Variants in RBCK1 observed in about 807,000 individuals in gnomAD.
RBCK1 encodes ranBP-type and C3HC4-type zinc finger-containing protein 1.
Under a neutral mutation model 71.1 loss-of-function variants are expected in RBCK1, and 44 were observed. That is an observed-to-expected ratio of 0.62 (90% CI 0.49 to 0.80). The LOEUF (loss-of-function observed/expected upper bound fraction) is 0.80, where lower values mean the gene tolerates loss of function less well. Among genes scored for constraint, RBCK1 ranks in the 30% least tolerant of loss-of-function variants. The pLI, the probability that RBCK1 is intolerant of heterozygous loss-of-function variation, is 0.00. For missense variants in RBCK1, 569 were observed against 685.0 expected (o/e 0.83, Z 1.89); for synonymous variants, 306 against 279.7 (o/e 1.09, Z -0.94).
chr20:430,542 T>G lies in RBCK1; in HGVS notation c.*112T>G. On this transcript the variant is annotated 3_prime_UTR_variant, in exon 12 of 12. Coordinates refer to ENST00000356286, the MANE Select transcript of RBCK1 (RefSeq NM_031229.4). The surrounding 1 kb of genome is among the most constrained non-coding windows in gnomAD (Gnocchi z 5.6). ...GCTTGCTGTAGCGTTGTAGGGGCCC[T>G]GCCTGCACTGCGGTTGTCCACGGTC... 3 of 1,042,890 alleles carry G rather than the reference T, an allele frequency of 2.9e-6. No homozygotes were observed. The highest frequency in any genetic ancestry group is 4.3e-6 in the Non-Finnish European group (3 of 692,938). The allele number at this position is 1,042,890 out of a possible 1,614,324, so 64.6% of individuals were successfully genotyped here.
At chr20:418,513 C>A (rs369361019) in intron 4 of RBCK1, among the ~76,000 whole-genome samples, 4 of 152,208 alleles carry the variant, frequency 2.6e-5, no homozygotes, top group Admixed American at 1.3e-4. Context: ...GGACTACAGG[C>A]GCCCGCCACC....
At chr20:413,522 AT>A (rs2015820268) in intron 2 of RBCK1, among the ~76,000 whole-genome samples, 1 of 152,146 alleles carries the variant, frequency 6.6e-6, no homozygotes, top group Non-Finnish European at 1.5e-5. Context: ...TTGAAGTATC[AT>A]TGTGGACACT....
At position 427,376 on chromosome 20, in the gene RBCK1, A is replaced by G. The variant is rs2016785549; in HGVS notation, c.1093A>G (p.Ser365Gly). The change falls in exon 9 of 12, where the codon AGT becomes GGT. Residue 365 changes from serine to glycine, a missense_variant. Physicochemically the swap from Ser to Gly is moderately conservative, Grantham distance 56. This residue lies in a region of RBCK1 where 211 missense variants were observed against 309.4 expected (regional missense o/e 0.68). Transcript: ENST00000356286. ...DLGISIAENR[S>G]AFSYHCKTPD... ...GGGCATCTCCATTGCTGAAAACCGC[A>G]GTGCCTTCAGCTACCATTGCAAGAC... 6.2e-7 allele frequency: 1 copy of G among 1,614,176 alleles called. No individual in the cohort carries two copies. Among genetic ancestry groups the G allele is most frequent in the Non-Finnish European group, 8.5e-7 (1 of 1,180,022 alleles).
intron 8 of RBCK1, among the ~76,000 whole-genome samples, chr20:426,433 A>C (rs1296095304): frequency 6.6e-6 from 1 of 151,288 alleles, no homozygotes; most frequent in Non-Finnish European, 1.5e-5. Context: ...AGCACCTGCA[A>C]ATAAGTGAGA....
At chr20:418,420 G>C (rs954096572) in intron 4 of RBCK1, among the ~76,000 whole-genome samples, 7 of 152,036 alleles carry the variant, frequency 4.6e-5, no homozygotes, top group African/African-American at 9.7e-5. Context: ...CCAGGCTGGA[G>C]TGCAGTGGCA....
At position 427,326 on chromosome 20, in the gene RBCK1, A is replaced by G; in HGVS notation, c.1043A>G (p.Glu348Gly). ...GTGTGTTGGCAGCTCCTGACCCCTG[A>G]GGATTACCAGCGATTTCTAGACCTG... ...EREIKALLTP[E>G]DYQRFLDLGI... Residue 348 changes from glutamate to glycine, a missense_variant, in exon 9 of 12, where the codon GAG (glutamate) becomes GGG (glycine). Transcript: ENST00000356286. 1 of 1,614,082 alleles carries G rather than the reference A, an allele frequency of 6.2e-7. No individual in the cohort carries two copies. The highest frequency in any genetic ancestry group is 8.5e-7 in the Non-Finnish European group (1 of 1,179,996).
At chr20:423,569 TTTATG>T (rs1332404099) in intron 8 of RBCK1, among the ~76,000 whole-genome samples, 7 of 152,178 alleles carry the variant, frequency 4.6e-5, no homozygotes, top group South Asian at 2.1e-4. Flanking sequence ...TTGTATAACA[TTTATG>T]TTATATTAGG....
Position 428,496 on chromosome 20 carries a change from C to T in RBCK1, c.1215C>T (p.Ile405=), listed in dbSNP as rs995347775. 8 of 1,607,048 alleles carry T rather than the reference C, an allele frequency of 5.0e-6. No homozygotes were observed. The highest frequency in any genetic ancestry group is 6.8e-6 in the Non-Finnish European group (8 of 1,176,904). Residue 405 remains isoleucine (I), a synonymous_variant, in exon 10 of 12, where the codon ATC becomes ATT. Coordinates refer to ENST00000356286, the MANE Select transcript of RBCK1 (RefSeq NM_031229.4). This position sits in a 1 kb window ranked among gnomAD's most constrained non-coding sequence, Gnocchi z 5.7. ...GAGTCCCTCACCCGCTACAGGCCAT[C>T]CATGAGCAGATGAACTGCAAGGAGT... ...FHVNCLLCKA[I]HEQMNCKEYQ... is the part of the protein sequence containing the mutation.
At position 409,964 on chromosome 20, in the gene RBCK1, G is replaced by A. The variant is rs1186808411; in HGVS notation, c.106G>A (p.Glu36Lys). The change falls in exon 2 of 12, where the codon GAG (glutamate) becomes AAG (lysine). Residue 36 changes from glutamate to lysine, a missense_variant. Physicochemically the swap from Glu to Lys is moderately conservative, Grantham distance 56. This residue lies in a region of RBCK1 where 358 missense variants were observed against 375.6 expected (regional missense o/e 0.95). Coordinates refer to ENST00000356286, the MANE Select transcript of RBCK1 (RefSeq NM_031229.4). ...AATGAAGTGTGCCATCTGGCTGGCAGAGCAACGGGTGCCCCTGAGTGTGCA... is the reference window on the plus strand; with the variant it reads ...AATGAAGTGTGCCATCTGGCTGGCAAAGCAACGGGTGCCCCTGAGTGTGCA... ...VAMKCAIWLAEQRVPLSVQLK... is the reference protein window; with the variant it reads ...VAMKCAIWLAKQRVPLSVQLK... The A allele has an allele frequency of 1.2e-6, 2 of 1,614,168 alleles. No individual in the cohort carries two copies. The highest frequency in any genetic ancestry group is 2.2e-5 in the East Asian group (1 of 44,886).
chr20:417,222 G>C lies in RBCK1; in HGVS notation c.168-304G>C, dbSNP rs1244228249. The C allele has an allele frequency of 1.7e-6, 1 of 594,196 alleles. No homozygotes were observed. 36.8% of individuals were successfully genotyped at this position (594,196 alleles called of 1,614,324 possible). A position where few individuals can be genotyped will look rare whatever the true frequency, so the allele number is the denominator to read the frequency against. On this transcript the variant is annotated intron_variant, in intron 2 of 11. Transcript: ENST00000356286. This position sits in a 1 kb window ranked among gnomAD's most constrained non-coding sequence, Gnocchi z 4.7. ...CAACTTCTGGTGGTTTCACTAAGGA[G>C]CAGGGGAGAGAAGACAGAAGAGGTT...
At chr20:418,272 C>A (rs1311298226) in intron 4 of RBCK1, among the ~76,000 whole-genome samples, 1 of 152,228 alleles carries the variant, frequency 6.6e-6, no homozygotes, top group East Asian at 1.9e-4. Flanking sequence ...TAATTTTTAA[C>A]TTCTGAAATG....
chr20:430,458 C>A lies in RBCK1; in HGVS notation c.*28C>A, dbSNP rs577498437. The A allele has an allele frequency of 1.7e-5, 27 of 1,564,340 alleles. No individual in the cohort carries two copies. The South Asian group carries it at 2.1e-4, about 12-fold the overall frequency. Reference sequence around the variant, plus strand: ...TAAAGATGGTGGGGCCACATGCTGACCCAGCCCCACATCCACATTCTGTTA... The same window carrying A: ...TAAAGATGGTGGGGCCACATGCTGAACCAGCCCCACATCCACATTCTGTTA... On this transcript the variant is annotated 3_prime_UTR_variant, in exon 12 of 12. Coordinates refer to ENST00000356286, the MANE Select transcript of RBCK1 (RefSeq NM_031229.4). This position sits in a 1 kb window ranked among gnomAD's most constrained non-coding sequence, Gnocchi z 5.6.
At chr20:411,355 C>T (rs2015693676) in intron 2 of RBCK1, among the ~76,000 whole-genome samples, 1 of 152,096 alleles carries the variant, frequency 6.6e-6, no homozygotes, top group Non-Finnish European at 1.5e-5. Context: ...TGGCATGTAC[C>T]ACCACACCCG....
chr20:424,440 C>T (rs922303244), intron 8 of RBCK1, among the ~76,000 whole-genome samples: 1 of 152,206 alleles, frequency 6.6e-6, no homozygotes, highest in Non-Finnish European at 1.5e-5. Context: ...TTCTGTCCCC[C>T]CTGCCTCTCT....
In RBCK1 at chr20:417,393, GTT is replaced by G. The variant is rs1323881199; in HGVS notation, c.168-131_168-130del. Reference sequence around the variant, plus strand: ...TGGGTGGGGCCTACCCCAGACTGGGGTTTGTGTGTGTGTGTGTGTGTGTGTGT... The same window carrying G: ...TGGGTGGGGCCTACCCCAGACTGGGGTGTGTGTGTGTGTGTGTGTGTGTGT... On this transcript the variant is annotated intron_variant, in intron 2 of 11. Transcript: ENST00000356286. This position sits in a 1 kb window ranked among gnomAD's most constrained non-coding sequence, Gnocchi z 4.7. 8.4e-6 allele frequency: 7 copies of G among 835,154 alleles called. No homozygotes were observed. Among genetic ancestry groups the G allele is most frequent in the South Asian group, 1.4e-5 (1 of 72,576 alleles). 51.7% of individuals were successfully genotyped at this position (835,154 alleles called of 1,614,324 possible).
In RBCK1 at chr20:428,347, T is replaced by C. The variant is rs1391363433; in HGVS notation, c.1210-144T>C. 1.8e-6 allele frequency: 1 copy of C among 555,402 alleles called. No homozygotes were observed. The highest frequency in any genetic ancestry group is 2.0e-5 in the African/African-American group (1 of 51,018). 34.4% of individuals were successfully genotyped at this position (555,402 alleles called of 1,614,324 possible). ...CCAATATCCTCTTCTGTAAAATGGC[T>C]TATGCATTACAAAGTGAGGTCCTGC... On this transcript the variant is annotated intron_variant, in intron 9 of 11. Transcript: ENST00000356286. This position sits in a 1 kb window ranked among gnomAD's most constrained non-coding sequence, Gnocchi z 5.7.
At position 430,724 on chromosome 20, in the gene RBCK1, C is replaced by T. The variant is rs2122352033; in HGVS notation, c.*294C>T. 1 of 452,396 alleles carries T rather than the reference C, an allele frequency of 2.2e-6. No individual in the cohort carries two copies. The highest frequency in any genetic ancestry group is 4.1e-6 in the Non-Finnish European group (1 of 246,736). 28.0% of individuals were successfully genotyped at this position (452,396 alleles called of 1,614,324 possible). On this transcript the variant is annotated 3_prime_UTR_variant, in exon 12 of 12. Transcript: ENST00000356286. The surrounding 1 kb of genome is among the most constrained non-coding windows in gnomAD (Gnocchi z 5.6). ...CTGTGTGACTCCATACTCCTCCCAC[C>T]ACAACACTCATCTGTCAAACACCAA...
intron 2 of RBCK1, among the ~76,000 whole-genome samples, chr20:411,475 C>T (rs920870580): frequency 6.6e-6 from 1 of 152,204 alleles, no homozygotes; most frequent in Non-Finnish European, 1.5e-5. Context: ...TCACGCCATT[C>T]TCCTGCCTCA....
At chr20:425,846 T>TA (rs1481425180) in intron 8 of RBCK1, among the ~76,000 whole-genome samples, 1 of 152,100 alleles carries the variant, frequency 6.6e-6, no homozygotes, top group Non-Finnish European at 1.5e-5. Context: ...AAGCTAGTCT[T>TA]AAACTCCTGA....
Sources: allele counts gnomAD v4.1 joint callset (sites outside exome capture counted in the v4.1 genomes callset), GRCh38; gene constraint gnomAD v4.1.1; regional missense constraint gnomAD v4.1.1; non-coding constraint Gnocchi (gnomAD v3.1); transcripts MANE v1.5; gene names NCBI Gene and HGNC (gene_info 2026-07-23, HGNC 2026-07-21).